The following GRIK4 variants were observed in gnomAD, a reference collection of about 807,000 sequenced individuals.
GRIK4 encodes glutamate receptor ionotropic, kainate 4.
Under a neutral mutation model 104.9 loss-of-function variants are expected in GRIK4, and 40 were observed. That is an observed-to-expected ratio of 0.38 (90% CI 0.30 to 0.50). The LOEUF (loss-of-function observed/expected upper bound fraction) is 0.50. Ranked by LOEUF, GRIK4 falls within the 20% of genes least tolerant of loss-of-function variation. GRIK4 has a pLI of 0.93. For synonymous variants in GRIK4, 485 were observed against 524.9 expected, an observed-to-expected ratio of 0.92 and a Z score of 1.04; for missense variants, 1,047 against 1,308.1, an observed-to-expected ratio of 0.80 and a Z score of 3.08.
chr11:120,682,591 CTTT>C (rs34209497), intron 3 of GRIK4, among the ~76,000 whole-genome samples: 65,092 of 144,884 alleles, frequency 0.45, 14,639 homozygotes, highest in East Asian at 0.55. Context: ...TTGCCCCCAT[CTTT>C]TTTTTTTTTT....
At chr11:120,521,888 CTCT>C (rs1250400729) in intron 1 of GRIK4, among the ~76,000 whole-genome samples, 1 of 152,204 alleles carries the variant, frequency 6.6e-6, no homozygotes, top group Non-Finnish European at 1.5e-5. Context: ...CCGCCTTCTG[CTCT>C]TCTTCCTCTT....
chr11:120,770,292 C>A (rs1315678535), intron 3 of GRIK4, among the ~76,000 whole-genome samples: 1 of 152,332 alleles, frequency 6.6e-6, no homozygotes. Flanking sequence ...TACCTTAACT[C>A]CCAGCATCTG....
At chr11:120,589,769 C>T (rs1018098892) in intron 1 of GRIK4, among the ~76,000 whole-genome samples, 2 of 152,230 alleles carry the variant, frequency 1.3e-5, no homozygotes, top group African/African-American at 2.4e-5. Context: ...GAGACAGGCA[C>T]ATTTGTCTCT....
Position 120,940,956 on chromosome 11 carries a change from T to A in GRIK4, c.1590+496T>A, listed in dbSNP as rs1232772229. 6.6e-6 allele frequency among the ~76,000 whole-genome samples: 1 copy of A among 152,214 alleles called. No individual in the cohort carries two copies. Among genetic ancestry groups the A allele is most frequent in the African/African-American group, 2.4e-5 (1 of 41,454 alleles). On this transcript the variant is annotated intron_variant, in intron 14 of 20. Coordinates refer to ENST00000527524, the MANE Select transcript of GRIK4 (RefSeq NM_014619.5). This position sits in a 1 kb window ranked among gnomAD's most constrained non-coding sequence, Gnocchi z 4.3. ...CTGGCCTGCCCTTTTCTGCATTCCA[T>A]GCCCCCATCAGAAAGACTCCTCTGG...
Position 120,531,222 on chromosome 11 carries a change from C to A in GRIK4, c.-159+19335C>A, listed in dbSNP as rs575212077. On this transcript the variant is annotated intron_variant, in intron 1 of 20. Coordinates refer to ENST00000527524, the MANE Select transcript of GRIK4 (RefSeq NM_014619.5). ...CTTATGTGTAAATGCTACCCTACAA[C>A]CTCTTTCATAATTCATCCATCAAGG... Among the ~76,000 whole-genome samples the A allele has an allele frequency of 7.2e-5, 11 of 152,344 alleles. No homozygotes were observed. The South Asian group carries it at 2.1e-3, about 29-fold the overall frequency.
At chr11:120,801,826 A>G (rs1952626690) in intron 3 of GRIK4, among the ~76,000 whole-genome samples, 1 of 152,138 alleles carries the variant, frequency 6.6e-6, no homozygotes, top group Admixed American at 6.6e-5. Flanking sequence ...CCCATGCCAT[A>G]TCTTGTAATC....
At chr11:120,706,749 C>T (rs1950637499) in intron 3 of GRIK4, among the ~76,000 whole-genome samples, 1 of 152,300 alleles carries the variant, frequency 6.6e-6, no homozygotes, top group Middle Eastern at 3.4e-3. Flanking sequence ...TGACCAAGAC[C>T]AAGCTGTGAG....
At chr11:120,743,029 G>A (rs995106949) in intron 3 of GRIK4, among the ~76,000 whole-genome samples, 3 of 152,186 alleles carry the variant, frequency 2.0e-5, no homozygotes, top group Non-Finnish European at 4.4e-5. Context: ...TCAGGAGTTC[G>A]AGACCAGCCT....
chr11:120,837,147 T>C (rs1247121768), intron 8 of GRIK4, among the ~76,000 whole-genome samples: 1 of 152,188 alleles, frequency 6.6e-6, no homozygotes, highest in Non-Finnish European at 1.5e-5. Context: ...GCCTGCAGTC[T>C]AGTCTCTACA....
intron 1 of GRIK4, among the ~76,000 whole-genome samples, chr11:120,576,102 T>G (rs1948480155): frequency 6.6e-6 from 1 of 152,216 alleles, no homozygotes; most frequent in Non-Finnish European, 1.5e-5. Flanking sequence ...AATTTGTATT[T>G]CATTCTGATT....
intron 1 of GRIK4, among the ~76,000 whole-genome samples, chr11:120,514,447 G>C (rs570067041): frequency 2.6e-5 from 4 of 152,330 alleles, no homozygotes; most frequent in South Asian, 2.1e-4. Context: ...GCCCCTGGAC[G>C]CTCAGTCCAG....
intron 3 of GRIK4, among the ~76,000 whole-genome samples, chr11:120,739,812 G>A (rs532268895): frequency 2.0e-5 from 3 of 152,288 alleles, no homozygotes; most frequent in East Asian, 3.9e-4. Flanking sequence ...GATAATTTAC[G>A]CTGATCTGGT....
intron 1 of GRIK4, among the ~76,000 whole-genome samples, chr11:120,526,120 C>T (rs765609297): frequency 2.0e-5 from 3 of 152,170 alleles, no homozygotes; most frequent in Non-Finnish European, 4.4e-5. Context: ...GAAAGGGCCT[C>T]TAGAATACTG....
intron 3 of GRIK4, among the ~76,000 whole-genome samples, chr11:120,669,701 AC>A (rs1351206088): frequency 2.6e-5 from 4 of 152,064 alleles, no homozygotes; most frequent in African/African-American, 9.7e-5. Flanking sequence ...TTGTTCTTGC[AC>A]TGTTTCTGGC....
chr11:120,882,115 G>T (rs112637432), intron 11 of GRIK4, among the ~76,000 whole-genome samples: 1 of 152,258 alleles, frequency 6.6e-6, no homozygotes, highest in African/African-American at 2.4e-5. Flanking sequence ...TGCTCTCCAT[G>T]GAGAGGTACC....
chr11:120,554,336 A>T (rs541702091), intron 1 of GRIK4, among the ~76,000 whole-genome samples: 62 of 152,232 alleles, frequency 4.1e-4, no homozygotes, highest in Non-Finnish European at 7.8e-4. Context: ...AAGCCCATGC[A>T]GCATCTCCTG....
chr11:120,784,981 G>A (rs1591910053), intron 3 of GRIK4, among the ~76,000 whole-genome samples: 3 of 152,148 alleles, frequency 2.0e-5, no homozygotes, highest in East Asian at 3.9e-4. Flanking sequence ...TCTGGGCTAG[G>A]TCTCCCCTGG....
At chr11:120,936,071 T>TCCG (rs905517749) in intron 13 of GRIK4, 1 of 222,502 alleles carries the variant, frequency 4.5e-6, no homozygotes, top group African/African-American at 2.4e-5. Context: ...ATCTTCCTCC[T>TCCG]CCTCCTCTTC....
chr11:120,760,901 G>A (rs567040409), intron 3 of GRIK4, among the ~76,000 whole-genome samples: 25 of 152,138 alleles, frequency 1.6e-4, no homozygotes, highest in African/African-American at 5.3e-4. Context: ...TAGTGCTGCA[G>A]TAAACATATG....
Sources: gnomAD v4.1 joint callset for allele counts (sites outside exome capture counted in the v4.1 genomes callset) on GRCh38, gnomAD v4.1.1 for gene constraint, Gnocchi (gnomAD v3.1) non-coding constraint, MANE v1.5 for transcripts, NCBI Gene and HGNC (gene_info 2026-07-23, HGNC 2026-07-21) for gene names.